The following CSMD1 variants were observed in gnomAD, a reference collection of about 807,000 sequenced individuals.
The protein encoded by CSMD1 is CUB and Sushi multiple domains 1.
In CSMD1, 213 loss-of-function variants were observed where a neutral mutation model predicts 417.5. The ratio of observed to expected loss-of-function variants is 0.51; its 90% confidence interval spans 0.46 to 0.57. The LOEUF (loss-of-function observed/expected upper bound fraction) is 0.57. CSMD1 is among the 20% of genes least tolerant of loss of function. The pLI, the probability that CSMD1 is intolerant of heterozygous loss-of-function variation, is 0.00. For missense variants in CSMD1, 6,923 were observed against 4,529.7 expected (o/e 1.53, Z -15.17); for synonymous variants, 2,862 against 1,736.8 (o/e 1.65, Z -16.11).
In CSMD1 at chr8:4,170,921, A is replaced by C. The variant is rs561413947; in HGVS notation, c.416-138822T>G. ...TCACTTTTCCCATTCACTTATTCCA[A>C]TGCCTGTACAAGCTGTGTTACGCAA... On this transcript the variant is annotated intron_variant, in intron 3 of 69. Coordinates refer to ENST00000635120, the MANE Select transcript of CSMD1 (RefSeq NM_033225.6). Among the ~76,000 whole-genome samples, 13 of 151,926 alleles carry C rather than the reference A, an allele frequency of 8.6e-5. No homozygotes were observed. The South Asian group carries it at 2.7e-3, about 32-fold the overall frequency.
intron 4 of CSMD1, among the ~76,000 whole-genome samples, chr8:4,027,554 G>A (rs1247097422): frequency 6.6e-6 from 1 of 152,088 alleles, no homozygotes. Flanking sequence ...GTGAAAACGT[G>A]CCTTCCATCA....
chr8:3,715,220 T>A (rs1370399796), intron 6 of CSMD1, among the ~76,000 whole-genome samples: 1 of 152,134 alleles, frequency 6.6e-6, no homozygotes, highest in Non-Finnish European at 1.5e-5. Flanking sequence ...CTAAGACCCA[T>A]TAAATTTCTA....
At chr8:3,322,930 CT>C (rs147438006) in intron 23 of CSMD1, among the ~76,000 whole-genome samples, 1 of 151,926 alleles carries the variant, frequency 6.6e-6, no homozygotes, top group Non-Finnish European at 1.5e-5. Context: ...TTGTTTTTTG[CT>C]TTTTTTTGTT....
At chr8:4,637,802 G>T (rs1046936634) in intron 1 of CSMD1, among the ~76,000 whole-genome samples, 1 of 151,466 alleles carries the variant, frequency 6.6e-6, no homozygotes, top group Non-Finnish European at 1.5e-5. Flanking sequence ...TCCCGAGTAG[G>T]TGGGACTACA....
At chr8:3,784,119 C>G (rs79468086) in intron 5 of CSMD1, among the ~76,000 whole-genome samples, 5,106 of 150,414 alleles carry the variant, frequency 0.034, 203 homozygotes, top group East Asian at 0.15. Flanking sequence ...ATAATAATTA[C>G]AAATTCTTTT....
intron 2 of CSMD1, among the ~76,000 whole-genome samples, chr8:4,478,595 A>G (rs1301839089): frequency 1.3e-5 from 2 of 152,212 alleles, no homozygotes; most frequent in Non-Finnish European, 2.9e-5. Flanking sequence ...AATGAAGCAA[A>G]AGAAAGTATT....
At chr8:3,549,736 G>C (rs560581387) in intron 10 of CSMD1, among the ~76,000 whole-genome samples, 1 of 152,120 alleles carries the variant, frequency 6.6e-6, no homozygotes, top group Admixed American at 6.5e-5. Flanking sequence ...CCACCAGCAA[G>C]AAGGCGATCC....
chr8:4,767,356 A>G (rs1467806691), intron 1 of CSMD1, among the ~76,000 whole-genome samples: 2 of 152,228 alleles, frequency 1.3e-5, no homozygotes, highest in Non-Finnish European at 2.9e-5. Context: ...GAAGAAAATC[A>G]CATTTGCCTT....
At chr8:4,241,189 T>G (rs1021164447) in intron 3 of CSMD1, among the ~76,000 whole-genome samples, 4 of 152,148 alleles carry the variant, frequency 2.6e-5, no homozygotes, top group Non-Finnish European at 4.4e-5. Flanking sequence ...TCGTGAACTC[T>G]CCAGTCAAAC....
intron 10 of CSMD1, among the ~76,000 whole-genome samples, chr8:3,552,725 G>A (rs13328375): frequency 0.48 from 72,347 of 151,994 alleles, 17,686 homozygotes; most frequent in East Asian, 0.56. Context: ...AATTATCTAC[G>A]TAAAGTATGC....
At chr8:3,437,889 A>T (rs1206379944) in intron 12 of CSMD1, among the ~76,000 whole-genome samples, 2 of 152,016 alleles carry the variant, frequency 1.3e-5, no homozygotes, top group African/African-American at 4.8e-5. Flanking sequence ...CTGGGATTAC[A>T]GGTGTGTGTC....
At chr8:4,484,815 A>C (rs1363672851) in intron 2 of CSMD1, among the ~76,000 whole-genome samples, 2 of 147,616 alleles carry the variant, frequency 1.4e-5, no homozygotes, top group Non-Finnish European at 3.0e-5. Flanking sequence ...TAAAAAATAC[A>C]AAAAAAAATT....
chr8:4,187,404 T>C (rs926054154), intron 3 of CSMD1, among the ~76,000 whole-genome samples: 2 of 152,074 alleles, frequency 1.3e-5, no homozygotes, highest in Non-Finnish European at 2.9e-5. Context: ...CCCAGCACTT[T>C]GGGAGGCCAA....
At chr8:4,811,722 A>AT (rs912992432) in intron 1 of CSMD1, among the ~76,000 whole-genome samples, 94 of 151,846 alleles carry the variant, frequency 6.2e-4, no homozygotes, top group African/African-American at 1.9e-3. Context: ...ATACTGATTC[A>AT]TTTTTTTTGC....
At chr8:3,780,859 G>C (rs574726980) in intron 5 of CSMD1, among the ~76,000 whole-genome samples, 1 of 152,286 alleles carries the variant, frequency 6.6e-6, no homozygotes, top group Non-Finnish European at 1.5e-5. Context: ...CTGCTTATTG[G>C]ATATTTTGAG....
At chr8:3,154,310 T>C (rs779534352) in intron 39 of CSMD1, among the ~76,000 whole-genome samples, 2 of 152,206 alleles carry the variant, frequency 1.3e-5, no homozygotes, top group Non-Finnish European at 2.9e-5. Flanking sequence ...TTGCCATGTC[T>C]TAGATTGGTT....
chr8:3,738,735 T>TGC lies in CSMD1; in HGVS notation c.931+15194_931+15195insGC, dbSNP rs1272992868. On this transcript the variant is annotated intron_variant, in intron 6 of 69. Coordinates refer to ENST00000635120, the MANE Select transcript of CSMD1 (RefSeq NM_033225.6). ...CACCCTGTGGTCACCAACCCTAATT[T>TGC]CAAAGACAAATTCAGAGTAACGTAA... 2.6e-5 allele frequency among the ~76,000 whole-genome samples: 4 copies of TGC among 152,256 alleles called. No homozygotes were observed. The East Asian group carries it at 5.8e-4, about 22-fold the overall frequency.
At chr8:4,666,714 TCTTA>T (rs1428012689) in intron 1 of CSMD1, among the ~76,000 whole-genome samples, 1 of 152,226 alleles carries the variant, frequency 6.6e-6, no homozygotes, top group Non-Finnish European at 1.5e-5. Context: ...TGTGCTGTTT[TCTTA>T]CTGAGATTTG....
intron 5 of CSMD1, among the ~76,000 whole-genome samples, chr8:3,760,021 C>G (rs1797904096): frequency 6.6e-6 from 1 of 151,988 alleles, no homozygotes; most frequent in South Asian, 2.1e-4. Flanking sequence ...TCCAGAAACA[C>G]AGGACACACG....
Sources: gnomAD v4.1 joint callset for allele counts (sites outside exome capture counted in the v4.1 genomes callset) on GRCh38, gnomAD v4.1.1 for gene constraint, MANE v1.5 for transcripts, NCBI Gene and HGNC (gene_info 2026-07-23, HGNC 2026-07-21) for gene names.